CNTNAP2: variants seen among roughly 807,000 people sequenced by gnomAD.
CNTNAP2 encodes the protein contactin-associated protein-like 2.
In CNTNAP2, 98 loss-of-function variants were observed where a neutral mutation model predicts 155.2. That is an observed-to-expected ratio of 0.63 (90% CI 0.54 to 0.75). The LOEUF is 0.75. Ranked by LOEUF, CNTNAP2 falls within the 30% of genes least tolerant of loss-of-function variation. CNTNAP2 has a pLI of 0.00. For synonymous variants in CNTNAP2, 651 were observed against 631.2 expected (o/e 1.03, Z -0.47); for missense variants, 1,727 against 1,688.1 (o/e 1.02, Z -0.40).
At chr7:147,294,508 A>G (rs938432951) in intron 8 of CNTNAP2, among the ~76,000 whole-genome samples, 9 of 152,206 alleles carry the variant, frequency 5.9e-5, no homozygotes, top group Admixed American at 4.6e-4. Context: ...ATTCCCATTA[A>G]CAAAGGACTG....
At chr7:147,134,825 G>A (rs922408262) in intron 8 of CNTNAP2, among the ~76,000 whole-genome samples, 27 of 151,884 alleles carry the variant, frequency 1.8e-4, no homozygotes, top group African/African-American at 6.3e-4. Context: ...ACTCTTATCA[G>A]CATGAGCATT....
chr7:147,181,113 A>G (rs1802448193), intron 8 of CNTNAP2, among the ~76,000 whole-genome samples: 1 of 152,206 alleles, frequency 6.6e-6, no homozygotes, highest in Non-Finnish European at 1.5e-5. Context: ...AATTTGAAGT[A>G]AGTCACTATA....
intron 8 of CNTNAP2, among the ~76,000 whole-genome samples, chr7:147,257,813 T>C (rs1226315403): frequency 6.6e-6 from 1 of 152,160 alleles, no homozygotes; most frequent in Non-Finnish European, 1.5e-5. Context: ...ATGAAAAATA[T>C]GGAACTTGGG....
At chr7:146,580,101 CT>C (rs1230455961) in intron 1 of CNTNAP2, among the ~76,000 whole-genome samples, 2 of 152,052 alleles carry the variant, frequency 1.3e-5, no homozygotes, top group Non-Finnish European at 2.9e-5. Context: ...GACAGCATGA[CT>C]TTTTTATTAA....
At chr7:148,049,626 T>A (rs60157117) in intron 15 of CNTNAP2, among the ~76,000 whole-genome samples, 1,983 of 152,286 alleles carry the variant, frequency 0.013, 30 homozygotes, top group African/African-American at 0.046. Context: ...ACATTTCCTA[T>A]GCCTAGTAAC....
At chr7:147,413,350 C>T (rs928082822) in intron 10 of CNTNAP2, among the ~76,000 whole-genome samples, 1 of 152,128 alleles carries the variant, frequency 6.6e-6, no homozygotes, top group Non-Finnish European at 1.5e-5. Flanking sequence ...ACACAACAGG[C>T]TTTCCCCTAA....
chr7:146,391,824 C>G (rs1795549075), intron 1 of CNTNAP2, among the ~76,000 whole-genome samples: 1 of 151,976 alleles, frequency 6.6e-6, no homozygotes, highest in African/African-American at 2.4e-5. Flanking sequence ...ACAACACACA[C>G]TGGGACTTTT....
intron 13 of CNTNAP2, among the ~76,000 whole-genome samples, chr7:147,649,019 T>C (rs1232479089): frequency 6.6e-6 from 1 of 152,156 alleles, no homozygotes; most frequent in Non-Finnish European, 1.5e-5. Flanking sequence ...ATTTTCTTTT[T>C]TGTGTGCATG....
At chr7:146,167,067 A>C (rs1562974717) in intron 1 of CNTNAP2, among the ~76,000 whole-genome samples, 1 of 151,406 alleles carries the variant, frequency 6.6e-6, no homozygotes. Context: ...TGATAGTGAC[A>C]ACTGGGCGCA....
chr7:146,678,068 T>C (rs1158770044), intron 1 of CNTNAP2, among the ~76,000 whole-genome samples: 1 of 152,154 alleles, frequency 6.6e-6, no homozygotes, highest in Non-Finnish European at 1.5e-5. Context: ...ATGTTTGTTA[T>C]TTATTTAGTT....
intron 2 of CNTNAP2, among the ~76,000 whole-genome samples, chr7:146,783,820 TG>T (rs1802530090): frequency 6.6e-6 from 1 of 152,244 alleles, no homozygotes; most frequent in Non-Finnish European, 1.5e-5. Flanking sequence ...TCTTGTGCTC[TG>T]GGATCTTCTT....
intron 3 of CNTNAP2, among the ~76,000 whole-genome samples, chr7:146,933,420 C>T: frequency 6.6e-6 from 1 of 151,280 alleles, no homozygotes; most frequent in Non-Finnish European, 1.5e-5. Context: ...TTCCTTATAC[C>T]TTATACAAAA....
intron 13 of CNTNAP2, among the ~76,000 whole-genome samples, chr7:147,881,653 G>A (rs1308850733): frequency 3.9e-5 from 6 of 152,094 alleles, no homozygotes; most frequent in Non-Finnish European, 7.4e-5. Flanking sequence ...GTTAGAATAG[G>A]AAAACAATGT....
At chr7:146,971,962 A>T (rs902558029) in intron 3 of CNTNAP2, among the ~76,000 whole-genome samples, 1 of 152,276 alleles carries the variant, frequency 6.6e-6, no homozygotes, top group Non-Finnish European at 1.5e-5. Context: ...AGACTAATAC[A>T]TGTTCATCTT....
rs71525954 is a variant in CNTNAP2 at position 146,475,013 on chromosome 7, G to GCGCA, written c.98-299257_98-299256insGCAC. The stretch of plus-strand genomic sequence containing the variant: ...CACGAGCGCGCACGCGCGCGCGCGC[G>GCGCA]CACACACACACACACACACACACAC... On this transcript the variant is annotated intron_variant, in intron 1 of 23. Coordinates refer to ENST00000361727, the MANE Select transcript of CNTNAP2 (RefSeq NM_014141.6). Among the ~76,000 whole-genome samples, 805 of 144,358 alleles carry GCGCA rather than the reference G, an allele frequency of 5.6e-3. 8 individuals are homozygous for GCGCA. The highest frequency in any genetic ancestry group is 0.017 in the African/African-American group (667 of 38,250). 94.7% of individuals were successfully genotyped at this position (144,358 alleles called of 152,430 possible).
intron 13 of CNTNAP2, among the ~76,000 whole-genome samples, chr7:147,808,122 T>C (rs935986535): frequency 1.8e-4 from 27 of 152,154 alleles, no homozygotes; most frequent in Non-Finnish European, 2.9e-4. Context: ...CCTCTCTCTA[T>C]ATATACTATA....
chr7:146,812,333 G>T (rs1411989661), intron 2 of CNTNAP2, among the ~76,000 whole-genome samples: 1 of 151,808 alleles, frequency 6.6e-6, no homozygotes, highest in East Asian at 1.9e-4. Flanking sequence ...TTAGCAAAGA[G>T]ACTGGACGCA....
At chr7:147,743,164 G>A (rs1466604463) in intron 13 of CNTNAP2, among the ~76,000 whole-genome samples, 1 of 152,194 alleles carries the variant, frequency 6.6e-6, no homozygotes, top group African/African-American at 2.4e-5. Flanking sequence ...GGAGTAACAC[G>A]AGAATGGGCC....
intron 3 of CNTNAP2, among the ~76,000 whole-genome samples, chr7:146,848,776 TTATC>T (rs1794810908): frequency 6.6e-6 from 1 of 152,160 alleles, no homozygotes; most frequent in Non-Finnish European, 1.5e-5. Context: ...AAGCTGACCT[TTATC>T]TATTTATTTA....
Sources: gnomAD v4.1 joint callset for allele counts (sites outside exome capture counted in the v4.1 genomes callset) on GRCh38, gnomAD v4.1.1 for gene constraint, MANE v1.5 for transcripts, NCBI Gene and HGNC (gene_info 2026-07-23, HGNC 2026-07-21) for gene names.